The following ZNF609 variants were observed in gnomAD, a reference collection of about 807,000 sequenced individuals.
ZNF609 encodes zinc finger protein 609.
In ZNF609, 11 loss-of-function variants were observed where a neutral mutation model predicts 109.5. The observed-to-expected ratio is 0.10, with a 90% CI of 0.06 to 0.17. ZNF609 has a LOEUF of 0.17. Among genes scored for constraint, ZNF609 ranks in the 10% least tolerant of loss-of-function variants. The pLI, the probability that ZNF609 is intolerant of heterozygous loss-of-function variation, is 1.00. For synonymous variants in ZNF609, 646 were observed against 662.0 expected, an observed-to-expected ratio of 0.98 and a Z score of 0.37; for missense variants, 1,559 against 1,772.4, an observed-to-expected ratio of 0.88 and a Z score of 2.16.
chr15:64,581,226 A>T (rs1231013253), intron 2 of ZNF609, among the ~76,000 whole-genome samples: 1 of 151,956 alleles, frequency 6.6e-6, no homozygotes, highest in Non-Finnish European at 1.5e-5. Context: ...TTCAAGGTCA[A>T]CCGGAGGTGA....
At chr15:64,555,399 G>A (rs900795180) in intron 2 of ZNF609, among the ~76,000 whole-genome samples, 4 of 151,724 alleles carry the variant, frequency 2.6e-5, no homozygotes, top group Admixed American at 6.6e-5. Flanking sequence ...GTGCAGTGGC[G>A]CACGCCTGTA....
intron 3 of ZNF609, chr15:64,631,582 G>C (rs981297647): frequency 2.1e-6 from 1 of 470,364 alleles, no homozygotes; most frequent in Non-Finnish European, 4.0e-6. Flanking sequence ...GCCCAGGCTG[G>C]AGTGCAATGG....
chr15:64,628,292 C>A (rs1216160315), intron 3 of ZNF609, among the ~76,000 whole-genome samples: 1 of 151,492 alleles, frequency 6.6e-6, no homozygotes, highest in Non-Finnish European at 1.5e-5. Flanking sequence ...CGGAGTGAGA[C>A]CCCATCTCAA....
chr15:64,646,311 T>C (rs1043121990), intron 3 of ZNF609, among the ~76,000 whole-genome samples: 1 of 151,820 alleles, frequency 6.6e-6, no homozygotes, highest in Non-Finnish European at 1.5e-5. Flanking sequence ...CTGGGCAACA[T>C]AGCAAGACTG....
chr15:64,462,243 A>G (rs1013678335), intron 1 of ZNF609, among the ~76,000 whole-genome samples: 6 of 152,212 alleles, frequency 3.9e-5, no homozygotes, highest in Admixed American at 3.3e-4. Context: ...AGAATAAGGG[A>G]TGCCAGCCAT....
intron 3 of ZNF609, among the ~76,000 whole-genome samples, chr15:64,648,677 A>G (rs576098280): frequency 6.6e-6 from 1 of 151,432 alleles, no homozygotes; most frequent in African/African-American, 2.4e-5. Flanking sequence ...GAGATAATAT[A>G]TAGAAGATGT....
At chr15:64,490,531 C>T (rs1016181828) in intron 1 of ZNF609, among the ~76,000 whole-genome samples, 1 of 152,280 alleles carries the variant, frequency 6.6e-6, no homozygotes, top group African/African-American at 2.4e-5. Flanking sequence ...ACCTTGGCCT[C>T]CCAAAGTGCT....
chr15:64,464,063 G>GA (rs1383310836), intron 1 of ZNF609, among the ~76,000 whole-genome samples: 1 of 151,982 alleles, frequency 6.6e-6, no homozygotes, highest in Non-Finnish European at 1.5e-5. Flanking sequence ...CTTCTTGGTA[G>GA]AAAAAAATTT....
At chr15:64,643,083 A>G (rs1435075837) in intron 3 of ZNF609, among the ~76,000 whole-genome samples, 1 of 152,198 alleles carries the variant, frequency 6.6e-6, no homozygotes, top group Non-Finnish European at 1.5e-5. Context: ...TAATTATTAG[A>G]CAGTAACATA....
chr15:64,599,433 TATTTGTGC>T lies in ZNF609; in HGVS notation c.748-23392_748-23385del, dbSNP rs979743420. Among the ~76,000 whole-genome samples, 44 of 152,226 alleles carry T rather than the reference TATTTGTGC, an allele frequency of 2.9e-4. 1 individual carries two copies. Among genetic ancestry groups the T allele is most frequent in the Middle Eastern group, 6.8e-3 (2 of 294 alleles). ...TGGCATGTATCAGTTGCTCAGTAAA[TATTTGTGC>T]AGTAAATCATCTCTCAGCCATCTTA... On this transcript the variant is annotated intron_variant, in intron 2 of 9. Coordinates refer to ENST00000326648, the MANE Select transcript of ZNF609 (RefSeq NM_015042.2).
intron 3 of ZNF609, chr15:64,654,326 C>T (rs1275282587): frequency 1.3e-5 from 2 of 152,192 alleles, no homozygotes; most frequent in Non-Finnish European, 2.9e-5. Context: ...CACGAGCCAT[C>T]ATGCCCCGCC....
intron 2 of ZNF609, among the ~76,000 whole-genome samples, chr15:64,541,306 A>T (rs888309130): frequency 6.7e-6 from 1 of 150,140 alleles, no homozygotes; most frequent in African/African-American, 2.5e-5. Flanking sequence ...GGGCGCCTGT[A>T]GTCCCCGCTA....
At chr15:64,469,235 C>A (rs757697706) in intron 1 of ZNF609, among the ~76,000 whole-genome samples, 2 of 151,462 alleles carry the variant, frequency 1.3e-5, no homozygotes, top group Admixed American at 1.3e-4. Context: ...TGCACTCCAG[C>A]CTGGGCAACA....
intron 2 of ZNF609, among the ~76,000 whole-genome samples, chr15:64,619,067 T>A (rs998066375): frequency 6.6e-6 from 1 of 152,216 alleles, no homozygotes; most frequent in Non-Finnish European, 1.5e-5. Context: ...CCACGTTCTC[T>A]ACCCAGCACA....
intron 2 of ZNF609, among the ~76,000 whole-genome samples, chr15:64,598,567 C>G (rs925287258): frequency 7.9e-5 from 12 of 151,258 alleles, no homozygotes; most frequent in Non-Finnish European, 1.5e-4. Context: ...AGTACATGCT[C>G]CATCATACTT....
At position 64,593,039 on chromosome 15, in the gene ZNF609, A is replaced by G. The variant is rs1041874114; in HGVS notation, c.748-29788A>G. 3.1e-6 allele frequency: 5 copies of G among 1,590,874 alleles called. No individual in the cohort carries two copies. In the African/African-American group the frequency reaches 4.0e-5, roughly 13 times the overall value. On this transcript the variant is annotated intron_variant, in intron 2 of 9. Transcript: ENST00000326648. ...AAAGGGCCGCGGCCACATGCAGCCT[A>G]TTCGCTGCACTAACTGTGCCCGATG...
intron 1 of ZNF609, among the ~76,000 whole-genome samples, chr15:64,464,261 T>C (rs1892981026): frequency 6.6e-6 from 1 of 152,220 alleles, no homozygotes; most frequent in Non-Finnish European, 1.5e-5. Flanking sequence ...TCCTTATTTA[T>C]TTTATTTATT....
At chr15:64,643,495 C>T (rs1288379288) in intron 3 of ZNF609, among the ~76,000 whole-genome samples, 2 of 152,038 alleles carry the variant, frequency 1.3e-5, no homozygotes, top group Non-Finnish European at 2.9e-5. Context: ...AAAATAGGAA[C>T]TACATAGACA....
At chr15:64,664,603 T>G (rs1034978746) in intron 3 of ZNF609, among the ~76,000 whole-genome samples, 4 of 152,184 alleles carry the variant, frequency 2.6e-5, no homozygotes, top group Non-Finnish European at 5.9e-5. Flanking sequence ...GTCTGTTAAG[T>G]GTTATTTGCT....
Sources: allele counts gnomAD v4.1 joint callset (sites outside exome capture counted in the v4.1 genomes callset), GRCh38; gene constraint gnomAD v4.1.1; transcripts MANE v1.5; gene names NCBI Gene and HGNC (gene_info 2026-07-23, HGNC 2026-07-21).